The following P2RY12 variants were observed in gnomAD, a reference collection of about 807,000 sequenced individuals.
P2RY12 encodes the protein P2Y purinoceptor 12.
In P2RY12, 3 loss-of-function variants were observed where a neutral mutation model predicts 4.5. That is an observed-to-expected ratio of 0.67 (90% confidence interval 0.31 to 1.74). P2RY12 has a LOEUF of 1.74. Among genes scored for constraint, P2RY12 ranks in the 40% most tolerant of loss-of-function variants. P2RY12 has a pLI of 0.09. For synonymous variants in P2RY12, 148 were observed against 154.1 expected (o/e 0.96, Z 0.29); for missense variants, 356 against 407.8 (o/e 0.87, Z 1.09).
intron 1 of P2RY12, chr3:151,378,291 G>A: frequency 9.5e-7 from 1 of 1,049,636 alleles, no homozygotes; most frequent in Non-Finnish European, 1.3e-6. Context: ...GTTTTTAAAT[G>A]GAACTGGGAA....
chr3:151,370,246 G>A (rs967876615), intron 1 of P2RY12, among the ~76,000 whole-genome samples: 1 of 152,056 alleles, frequency 6.6e-6, no homozygotes, highest in Non-Finnish European at 1.5e-5. Context: ...TGAATGATTA[G>A]GAAGTCTTCA....
intron 1 of P2RY12, chr3:151,366,034 ATATT>A (rs1202432703): frequency 3.5e-6 from 5 of 1,432,246 alleles, no homozygotes; most frequent in Non-Finnish European, 4.6e-6. Flanking sequence ...GTGCAATTAA[ATATT>A]TAGTTAGTGG....
chr3:151,339,265 C>T (rs942714972), intron 2 of P2RY12, among the ~76,000 whole-genome samples: 2 of 152,062 alleles, frequency 1.3e-5, no homozygotes, highest in African/African-American at 4.8e-5. Flanking sequence ...AGTCACTTTT[C>T]CCCCCAACGT....
intron 1 of P2RY12, chr3:151,357,428 A>G: frequency 1.4e-6 from 2 of 1,475,272 alleles, no homozygotes; most frequent in Non-Finnish European, 1.8e-6. Flanking sequence ...ATGTATAACT[A>G]GTGATGAAAT....
At chr3:151,362,672 A>C (rs1434013299) in intron 1 of P2RY12, among the ~76,000 whole-genome samples, 2 of 152,130 alleles carry the variant, frequency 1.3e-5, no homozygotes, top group Non-Finnish European at 1.5e-5. Context: ...TTTCACTGCT[A>C]CATCCCAGTG....
intron 1 of P2RY12, chr3:151,380,270 G>A (rs912138084): frequency 2.3e-6 from 3 of 1,290,726 alleles, no homozygotes; most frequent in African/African-American, 3.0e-5. Context: ...CTTTCTAACG[G>A]CATTCATTTA....
At chr3:151,380,102 TTC>T (rs1419378758) in intron 1 of P2RY12, 2 of 1,510,138 alleles carry the variant, frequency 1.3e-6, no homozygotes, top group Non-Finnish European at 1.8e-6. Context: ...TTATTATTAC[TTC>T]CTTTGTAGTA....
At chr3:151,366,730 A>G (rs1442267159) in intron 1 of P2RY12, among the ~76,000 whole-genome samples, 2 of 152,174 alleles carry the variant, frequency 1.3e-5, no homozygotes, top group African/African-American at 4.8e-5. Flanking sequence ...GACTGGTTGG[A>G]TAATCCTATC....
chr3:151,384,125 C>T, intron 1 of P2RY12: 1 of 1,613,966 alleles, frequency 6.2e-7, no homozygotes, highest in Non-Finnish European at 8.5e-7. Flanking sequence ...GTGTTTTAAT[C>T]AATGGAACGT....
intron 1 of P2RY12, among the ~76,000 whole-genome samples, chr3:151,379,922 C>T (rs1432560566): frequency 6.6e-6 from 1 of 152,058 alleles, no homozygotes; most frequent in Non-Finnish European, 1.5e-5. Flanking sequence ...TTAGAGCATA[C>T]GAAGTGATTT....
chr3:151,369,328 G>A (rs750056395), intron 1 of P2RY12: 3 of 631,772 alleles, frequency 4.7e-6, no homozygotes, highest in African/African-American at 1.8e-5. Context: ...CAAGCTAATG[G>A]CAATTAAGCA....
chr3:151,367,736 C>G, intron 1 of P2RY12: 4 of 1,611,140 alleles, frequency 2.5e-6, no homozygotes, highest in Non-Finnish European at 3.4e-6. Flanking sequence ...CGTCGTGCAG[C>G]ATGTCGCACT....
At chr3:151,383,379 C>T (rs7429509) in intron 1 of P2RY12, among the ~76,000 whole-genome samples, 38,313 of 152,114 alleles carry the variant, frequency 0.25, 5,078 homozygotes, top group South Asian at 0.38. Context: ...ATTATGATAG[C>T]AGGCTTAGAT....
chr3:151,355,858 A>G (rs756534576), intron 1 of P2RY12: 163 of 1,551,300 alleles, frequency 1.1e-4, no homozygotes, highest in Non-Finnish European at 1.4e-4. Flanking sequence ...ATTATTTAGA[A>G]TATTGGTCTT....
At chr3:151,358,354 T>C (rs1754191947) in intron 1 of P2RY12, among the ~76,000 whole-genome samples, 1 of 152,132 alleles carries the variant, frequency 6.6e-6, no homozygotes, top group Non-Finnish European at 1.5e-5. Flanking sequence ...AGTATTATTT[T>C]ACAGCCCAGG....
intron 1 of P2RY12, chr3:151,368,137 C>G (rs1371518307): frequency 3.7e-6 from 6 of 1,609,524 alleles, no homozygotes; most frequent in Non-Finnish European, 5.1e-6. Context: ...CTTTTCCAAT[C>G]CCCCTTTCCT....
At chr3:151,380,906 G>A (rs1401337104) in intron 1 of P2RY12, among the ~76,000 whole-genome samples, 1 of 152,154 alleles carries the variant, frequency 6.6e-6, no homozygotes, top group Non-Finnish European at 1.5e-5. Context: ...TATCAGGCAC[G>A]CTTTCAGCTT....
At chr3:151,346,452 C>G (rs1362179965) in intron 1 of P2RY12, among the ~76,000 whole-genome samples, 4 of 152,254 alleles carry the variant, frequency 2.6e-5, no homozygotes, top group Non-Finnish European at 4.4e-5. Context: ...TCATCATCAC[C>G]TCTTACTTTA....
At chr3:151,360,081 A>C (rs1258691492) in intron 1 of P2RY12, among the ~76,000 whole-genome samples, 1 of 152,182 alleles carries the variant, frequency 6.6e-6, no homozygotes, top group East Asian at 1.9e-4. Flanking sequence ...TTGCTCCTTT[A>C]CAAAGGAGAA....
Sources: allele counts gnomAD v4.1 joint callset (sites outside exome capture counted in the v4.1 genomes callset), GRCh38; gene constraint gnomAD v4.1.1; transcripts MANE v1.5; gene names NCBI Gene and HGNC (gene_info 2026-07-23, HGNC 2026-07-21).